The following TDRP variants were observed in gnomAD, a reference collection of about 807,000 sequenced individuals.
TDRP encodes testis development related protein.
In TDRP, 12 loss-of-function variants were observed where a neutral mutation model predicts 10.5. The observed-to-expected ratio is 1.15, with a 90% confidence interval of 0.73 to 1.86. The LOEUF (loss-of-function observed/expected upper bound fraction) is 1.86, where lower values mean the gene tolerates loss of function less well. TDRP is among the 40% of genes most tolerant of loss of function. The pLI is 0.00. For missense variants in TDRP, 353 were observed against 229.2 expected, an observed-to-expected ratio of 1.54 and a Z score of -3.49; for synonymous variants, 139 against 95.4, an observed-to-expected ratio of 1.46 and a Z score of -2.67.
At chr8:541,478 G>A (rs1041079943) in intron 1 of TDRP, among the ~76,000 whole-genome samples, 2 of 152,208 alleles carry the variant, frequency 1.3e-5, no homozygotes, top group African/African-American at 4.8e-5. Context: ...TGAAGCCACA[G>A]ATTGGGAGAA....
intron 1 of TDRP, among the ~76,000 whole-genome samples, chr8:508,358 A>G (rs1045977631): frequency 6.6e-6 from 1 of 152,236 alleles, no homozygotes; most frequent in Non-Finnish European, 1.5e-5. Context: ...AGAACTGCCC[A>G]AGACTGGGTA....
intron 1 of TDRP, among the ~76,000 whole-genome samples, chr8:504,601 A>C (rs190572805): frequency 6.6e-6 from 1 of 152,182 alleles, no homozygotes; most frequent in African/African-American, 2.4e-5. Flanking sequence ...AAAACCACTC[A>C]TGTTCAATAT....
intron 1 of TDRP, among the ~76,000 whole-genome samples, chr8:503,556 C>A (rs546043346): frequency 7.0e-6 from 1 of 142,944 alleles, no homozygotes; most frequent in Non-Finnish European, 1.5e-5. Context: ...TGCCCACTCA[C>A]CATGCATCAA....
At chr8:531,448 C>T (rs1563130822) in intron 1 of TDRP, among the ~76,000 whole-genome samples, 1 of 152,088 alleles carries the variant, frequency 6.6e-6, no homozygotes, top group African/African-American at 2.4e-5. Context: ...GGGAATGACT[C>T]CTTAATCCAT....
rs1156732715 is a variant in TDRP at position 492,304 on chromosome 8, C to A, written c.*95G>T. 4.4e-6 allele frequency: 6 copies of A among 1,358,672 alleles called. No homozygotes were observed. The highest frequency in any genetic ancestry group is 1.5e-5 in the African/African-American group (1 of 67,578). The allele number at this position is 1,358,672 out of a possible 1,614,324, so 84.2% of individuals were successfully genotyped here. The stretch of plus-strand genomic sequence containing the variant: ...ATATCAAATATAGGCAAAAAGTAGA[C>A]TCTCTATTCTTTCTAACGCGGAAAA... On this transcript the variant is annotated 3_prime_UTR_variant, in exon 3 of 3. Coordinates refer to ENST00000324079, the MANE Select transcript of TDRP (RefSeq NM_001384899.1).
chr8:534,302 A>C (rs1802286721), intron 1 of TDRP, among the ~76,000 whole-genome samples: 1 of 152,248 alleles, frequency 6.6e-6, no homozygotes, highest in Admixed American at 6.5e-5. Context: ...TCAATTAGCA[A>C]ATACTAAATT....
In TDRP at chr8:513,491, A is replaced by G. The variant is rs1801672492; in HGVS notation, c.109-18894T>C. ...AAAACATTCAACAAAGTAGAAAAAG[A>G]AGGGAATTTCCTCAACCTAGTAATG... On this transcript the variant is annotated intron_variant, in intron 1 of 2. Transcript: ENST00000324079. 1.3e-5 allele frequency among the ~76,000 whole-genome samples: 2 copies of G among 152,200 alleles called. 1 individual carries two copies. Among genetic ancestry groups the G allele is most frequent in the South Asian group, 4.1e-4 (2 of 4,834 alleles).
At chr8:513,691 A>C (rs1365712538) in intron 1 of TDRP, among the ~76,000 whole-genome samples, 1 of 152,256 alleles carries the variant, frequency 6.6e-6, no homozygotes, top group East Asian at 1.9e-4. Flanking sequence ...TACAGAAAGG[A>C]AACAAAATGA....
intron 1 of TDRP, among the ~76,000 whole-genome samples, chr8:496,481 G>A (rs892381416): frequency 3.3e-5 from 5 of 152,158 alleles, no homozygotes; most frequent in East Asian, 1.9e-4. Context: ...GTGAAGCTTC[G>A]TGACCTTGGG....
chr8:496,717 G>A (rs967424016), intron 1 of TDRP, among the ~76,000 whole-genome samples: 2 of 152,332 alleles, frequency 1.3e-5, no homozygotes, highest in East Asian at 3.9e-4. Context: ...GTGATACGGT[G>A]TGGCTCTGTG....
At position 491,645 on chromosome 8, in the gene TDRP, C is replaced by A. The variant is rs1381544731; in HGVS notation, c.*754G>T. The stretch of plus-strand genomic sequence containing the variant: ...TTTCCTAAATGAAATTATCAACTGA[C>A]TAAAATTGATCCATACTTCTTTAAT... On this transcript the variant is annotated 3_prime_UTR_variant, in exon 3 of 3. Coordinates refer to ENST00000324079, the MANE Select transcript of TDRP (RefSeq NM_001384899.1). The A allele has an allele frequency of 6.5e-6, 10 of 1,530,508 alleles. No homozygotes were observed. The Admixed American group carries it at 1.8e-4, about 28-fold the overall frequency. The allele number at this position is 1,530,508 out of a possible 1,614,324, so 94.8% of individuals were successfully genotyped here. A position where few individuals can be genotyped will look rare whatever the true frequency, so the allele number is the denominator to read the frequency against.
At chr8:531,487 T>C (rs905337499) in intron 1 of TDRP, among the ~76,000 whole-genome samples, 2 of 152,170 alleles carry the variant, frequency 1.3e-5, no homozygotes, top group African/African-American at 4.8e-5. Flanking sequence ...GGGAAGGGAA[T>C]GTCAGAAGGA....
At chr8:523,727 G>T (rs535097701) in intron 1 of TDRP, among the ~76,000 whole-genome samples, 6 of 152,268 alleles carry the variant, frequency 3.9e-5, no homozygotes, top group African/African-American at 1.4e-4. Context: ...GAAAGGGGAG[G>T]GAAGAGTGGG....
chr8:542,879 T>C (rs909852792), intron 1 of TDRP, among the ~76,000 whole-genome samples: 2 of 138,786 alleles, frequency 1.4e-5, no homozygotes, highest in Admixed American at 7.3e-5. Context: ...AAAAAAAGTA[T>C]AGATGACAAT....
At chr8:510,940 A>ATG (rs1220657269) in intron 1 of TDRP, among the ~76,000 whole-genome samples, 2 of 152,252 alleles carry the variant, frequency 1.3e-5, no homozygotes, top group African/African-American at 2.4e-5. Context: ...ATATTTGCCA[A>ATG]TAACACCACA....
At chr8:527,394 C>G (rs914220981) in intron 1 of TDRP, among the ~76,000 whole-genome samples, 2 of 151,428 alleles carry the variant, frequency 1.3e-5, no homozygotes, top group African/African-American at 4.9e-5. Flanking sequence ...ACATTCTTCA[C>G]AGAAATGGAA....
chr8:505,477 C>G (rs1801434546), intron 1 of TDRP, among the ~76,000 whole-genome samples: 1 of 152,152 alleles, frequency 6.6e-6, no homozygotes, highest in African/African-American at 2.4e-5. Context: ...AAACATAATC[C>G]ATGACTACTG....
chr8:504,360 G>C (rs894130780), intron 1 of TDRP, among the ~76,000 whole-genome samples: 22 of 152,208 alleles, frequency 1.4e-4, no homozygotes, highest in African/African-American at 5.1e-4. Context: ...TTTTCCCTGA[G>C]TTTTAACCTG....
At chr8:530,715 C>G (rs934922722) in intron 1 of TDRP, among the ~76,000 whole-genome samples, 1 of 152,162 alleles carries the variant, frequency 6.6e-6, no homozygotes, top group African/African-American at 2.4e-5. Flanking sequence ...CTCGCTTGTT[C>G]TCAGCAGCCC....
Sources: allele counts gnomAD v4.1 joint callset (sites outside exome capture counted in the v4.1 genomes callset), GRCh38; gene constraint gnomAD v4.1.1; transcripts MANE v1.5; gene names NCBI Gene and HGNC (gene_info 2026-07-23, HGNC 2026-07-21).